SLC33A1: variants seen among roughly 807,000 people sequenced by gnomAD.
SLC33A1 encodes solute carrier family 33 member 1.
Under a neutral mutation model 50.0 loss-of-function variants are expected in SLC33A1, and 20 were observed. That is an observed-to-expected ratio of 0.40 (90% CI 0.28 to 0.58). SLC33A1 has a LOEUF of 0.58. Ranked by LOEUF, SLC33A1 falls within the 20% of genes least tolerant of loss-of-function variation. The pLI, the probability that SLC33A1 is intolerant of heterozygous loss-of-function variation, is 0.44. For missense variants in SLC33A1, 476 were observed against 657.0 expected (o/e 0.72, Z 3.01); for synonymous variants, 265 against 251.8 (o/e 1.05, Z -0.50).
chr3:155,837,215 G>C (rs1752714494), intron 2 of SLC33A1, among the ~76,000 whole-genome samples: 1 of 151,992 alleles, frequency 6.6e-6, no homozygotes, highest in Non-Finnish European at 1.5e-5. Flanking sequence ...AATTAGCTGG[G>C]CGTGGTGGTG....
chr3:155,853,270 T>C lies in SLC33A1; in HGVS notation c.728A>G (p.Lys243Arg). 6.2e-7 allele frequency: 1 copy of C among 1,614,012 alleles called. No homozygotes were observed. Among genetic ancestry groups the C allele is most frequent in the Non-Finnish European group, 8.5e-7 (1 of 1,180,020 alleles). Residue 243 changes from lysine to arginine, a missense_variant, in exon 1 of 6, where the codon AAA becomes AGA. Transcript: ENST00000643144. ...GGGTTGAGGCTGAAACCGCAAATATTTGTTACAAAAGTCGGCAGATTCAAG... is the reference window on the plus strand; with the variant it reads ...GGGTTGAGGCTGAAACCGCAAATATCTGTTACAAAAGTCGGCAGATTCAAG... ...LALESADFCN[K>R]YLRFQPQPRG...
rs1253767688 is a variant in SLC33A1 at position 155,825,649 on chromosome 3, T to G, written c.*2561A>C. 1 of 152,226 alleles carries G rather than the reference T, an allele frequency of 6.6e-6. No individual in the cohort carries two copies. The allele number at this position is 152,226 out of a possible 1,614,324, so 9.4% of individuals were successfully genotyped here. A position where few individuals can be genotyped will look rare whatever the true frequency, so the allele number is the denominator to read the frequency against. ...GAAGAACTTTTCAAACTCAGATGTA[T>G]ATATGCGGCAACCAATGTGCATATG... On this transcript the variant is annotated 3_prime_UTR_variant, in exon 6 of 6. Coordinates refer to ENST00000643144, the MANE Select transcript of SLC33A1 (RefSeq NM_004733.4).
intron 1 of SLC33A1, among the ~76,000 whole-genome samples, chr3:155,848,554 C>T (rs978512018): frequency 5.9e-5 from 9 of 151,934 alleles, no homozygotes; most frequent in African/African-American, 1.9e-4. Context: ...TGGTGGTGGG[C>T]GCCTGTAGTC....
Position 155,825,293 on chromosome 3 carries a change from G to A in SLC33A1, c.*2917C>T, listed in dbSNP as rs1284898167. 1 of 151,826 alleles carries A rather than the reference G, an allele frequency of 6.6e-6. No homozygotes were observed. The highest frequency in any genetic ancestry group is 2.4e-5 in the African/African-American group (1 of 41,266). 9.4% of individuals were successfully genotyped at this position (151,826 alleles called of 1,614,324 possible). On this transcript the variant is annotated 3_prime_UTR_variant, in exon 6 of 6. Coordinates refer to ENST00000643144, the MANE Select transcript of SLC33A1 (RefSeq NM_004733.4). The stretch of plus-strand genomic sequence containing the variant: ...GCTTCCCAAGTAGCTGGGACTACTG[G>A]TGTGTACCACCATGCCTGGATAATT...
At chr3:155,851,183 G>A (rs1317576994) in intron 1 of SLC33A1, among the ~76,000 whole-genome samples, 1 of 151,954 alleles carries the variant, frequency 6.6e-6, no homozygotes, top group Non-Finnish European at 1.5e-5. Context: ...GGAAATCGCA[G>A]TGAGCTGAGG....
rs769715068 is a variant in SLC33A1, at chr3:155,824,656, C to T, written c.*3554G>A. On this transcript the variant is annotated 3_prime_UTR_variant, in exon 6 of 6. Coordinates refer to ENST00000643144, the MANE Select transcript of SLC33A1 (RefSeq NM_004733.4). ...GTTTTAAACACTTTCACAACTATTACCTCAGATTTGTGATTATGGCTTATA... is the reference window on the plus strand; with the variant it reads ...GTTTTAAACACTTTCACAACTATTATCTCAGATTTGTGATTATGGCTTATA... 1 of 151,676 alleles carries T rather than the reference C, an allele frequency of 6.6e-6. No individual in the cohort carries two copies. Among genetic ancestry groups the T allele is most frequent in the Non-Finnish European group, 1.5e-5 (1 of 67,954 alleles). 9.4% of individuals were successfully genotyped at this position (151,676 alleles called of 1,614,324 possible). A position where few individuals can be genotyped will look rare whatever the true frequency, so the allele number is the denominator to read the frequency against.
At position 155,854,285 on chromosome 3, in the gene SLC33A1, G is replaced by T; in HGVS notation, c.-288C>A. 1 of 318,580 alleles carries T rather than the reference G, an allele frequency of 3.1e-6. No homozygotes were observed. The highest frequency in any genetic ancestry group is 5.8e-6 in the Non-Finnish European group (1 of 173,050). 19.7% of individuals were successfully genotyped at this position (318,580 alleles called of 1,614,324 possible). On this transcript the variant is annotated 5_prime_UTR_variant, in exon 1 of 6. Coordinates refer to ENST00000643144, the MANE Select transcript of SLC33A1 (RefSeq NM_004733.4). ...CAGCAGCGCCGGGCTCGAGGCTGGA[G>T]GTGTGTGCCGTGGTGCCAGGATGGA...
intron 1 of SLC33A1, among the ~76,000 whole-genome samples, chr3:155,850,923 CTTTAT>C (rs973418286): frequency 1.3e-5 from 2 of 150,716 alleles, no homozygotes; most frequent in South Asian, 2.1e-4. Flanking sequence ...GCCTTGACTT[CTTTAT>C]TTTAATTTTA....
rs774662011 is a variant in SLC33A1 at position 155,829,908 on chromosome 3, G to A, written c.1267-5C>T. 13 of 1,579,520 alleles carry A rather than the reference G, an allele frequency of 8.2e-6. No homozygotes were observed. The highest frequency in any genetic ancestry group is 2.7e-5 in the African/African-American group (2 of 74,108). On this transcript the variant is annotated splice_region_variant and splice_polypyrimidine_tract_variant and intron_variant, in intron 4 of 5. Transcript: ENST00000643144. ...ATACATGCTGTACACTGTAACCTAC[G>A]GAAAAATGTAAAACATCTTTAGTAT...
At chr3:155,847,751 A>AAAATAAATAAATAAATAAATAAATAAAT (rs10652179) in intron 1 of SLC33A1, among the ~76,000 whole-genome samples, 2 of 149,196 alleles carry the variant, frequency 1.3e-5, no homozygotes, top group East Asian at 3.9e-4. Flanking sequence ...TCCGTCTCAA[A>AAAATAAATAAATAAATAAATAAATAAAT]AAATAAATAA....
Position 155,853,674 on chromosome 3 carries a change from G to T in SLC33A1, c.324C>A (p.Asp108Glu). 1 of 1,614,176 alleles carries T rather than the reference G, an allele frequency of 6.2e-7. No homozygotes were observed. The highest frequency in any genetic ancestry group is 8.5e-7 in the Non-Finnish European group (1 of 1,180,024). The change falls in exon 1 of 6, where the codon GAC becomes GAA. Residue 108 changes from aspartate to glutamate, a missense_variant. Physicochemically the swap from Asp to Glu is conservative, Grantham distance 45 (BLOSUM62 2). Transcript: ENST00000643144. ...ILQSKNVSYTDQAFFSFVFWP... is the reference protein window; with the variant it reads ...ILQSKNVSYTEQAFFSFVFWP... The stretch of plus-strand genomic sequence containing the variant: ...AAAAGACAAAACTGAAGAAAGCTTG[G>T]TCTGTATAGCTAACATTTTTGCTTT...
At chr3:155,842,780 G>A (rs1310014421) in intron 1 of SLC33A1, 161 bp from the exon 2 acceptor site, 3 of 436,762 alleles carry the variant, frequency 6.9e-6, no homozygotes, top group Non-Finnish European at 1.2e-5. Context: ...AGGCCAAGGT[G>A]GGAGGATTAC....
At chr3:155,837,056 G>T (rs1366832264) in intron 2 of SLC33A1, among the ~76,000 whole-genome samples, 2 of 152,060 alleles carry the variant, frequency 1.3e-5, no homozygotes, top group Non-Finnish European at 2.9e-5. Context: ...CACCAGAAAG[G>T]CTAAAATTAA....
intron 1 of SLC33A1, among the ~76,000 whole-genome samples, chr3:155,845,480 C>T (rs1190799918): frequency 1.3e-5 from 2 of 151,996 alleles, no homozygotes; most frequent in Non-Finnish European, 2.9e-5. Context: ...GTGTGAGCCA[C>T]GGTACCCAGA....
intron 5 of SLC33A1, 48 bp from the exon 6 acceptor site, chr3:155,828,425 G>A: frequency 8.7e-7 from 1 of 1,146,310 alleles, no homozygotes; most frequent in Non-Finnish European, 1.3e-6. Context: ...CAAAATGAAA[G>A]TATTTAGCAA....
intron 5 of SLC33A1, 130 bp downstream of exon 5, chr3:155,829,558 T>A (rs777989984): frequency 1.4e-6 from 1 of 696,894 alleles, no homozygotes; most frequent in Admixed American, 2.5e-5. Context: ...AAAATATATA[T>A]GTAGATTTCT....
chr3:155,833,500 T>C lies in SLC33A1; in HGVS notation c.1234A>G (p.Ile412Val), dbSNP rs142714339. The C allele has an allele frequency of 6.3e-7, 1 of 1,589,720 alleles. No homozygotes were observed. The highest frequency in any genetic ancestry group is 8.6e-7 in the Non-Finnish European group (1 of 1,157,922). ...AAAGCATAACTCAGCAGGACTACGA[T>C]ATAGTAATATATAGGGAATCCCCCT... ...HQGGFPIYYYIVVLLSYALHQ... is the reference protein window; with the variant it reads ...HQGGFPIYYYVVVLLSYALHQ... The change falls in exon 4 of 6, where the codon ATC becomes GTC. Residue 412 changes from isoleucine to valine, a missense_variant. Transcript: ENST00000643144.
At chr3:155,842,915 T>A (rs1266563768) in intron 1 of SLC33A1, 1 of 185,424 alleles carries the variant, frequency 5.4e-6, no homozygotes, top group African/African-American at 2.5e-5. Flanking sequence ...GGCTGAGGAC[T>A]ACCTGAGCCC....
Position 155,833,606 on chromosome 3 carries a change from A to G in SLC33A1, c.1149-21T>C, listed in dbSNP as rs756577461. 8 of 1,353,218 alleles carry G rather than the reference A, an allele frequency of 5.9e-6. No homozygotes were observed. The Admixed American group carries it at 6.7e-5, about 11-fold the overall frequency. The allele number at this position is 1,353,218 out of a possible 1,614,324, so 83.8% of individuals were successfully genotyped here. ...ATAATCTATAGAGAAAGAAACATTG[A>G]GTTGACTTCCATTTTAGCTTAAATA... On this transcript the variant is annotated intron_variant, in intron 3 of 5. Transcript: ENST00000643144.
Sources: gnomAD v4.1 joint callset for allele counts (sites outside exome capture counted in the v4.1 genomes callset) on GRCh38, gnomAD v4.1.1 for gene constraint, MANE v1.5 for transcripts, NCBI Gene and HGNC (gene_info 2026-07-23, HGNC 2026-07-21) for gene names.